Variants in TACC2 observed in about 807,000 individuals in gnomAD.
The protein encoded by TACC2 is transforming acidic coiled-coil-containing protein 2.
Under a neutral mutation model 227.3 loss-of-function variants are expected in TACC2, and 137 were observed. That is an observed-to-expected ratio of 0.60 (90% confidence interval 0.52 to 0.69). The LOEUF (loss-of-function observed/expected upper bound fraction) is 0.69. Ranked by LOEUF, TACC2 falls within the 30% of genes least tolerant of loss-of-function variation. The probability of loss-of-function intolerance (pLI) is 0.00; values close to 1 mark genes in which losing one functional copy is unlikely to be tolerated. For missense variants in TACC2, 3,470 were observed against 3,694.4 expected (o/e 0.94, Z 1.57); for synonymous variants, 1,523 against 1,487.5 (o/e 1.02, Z -0.55).
chr10:122,076,796 G>T (rs1370536869), intron 3 of TACC2, among the ~76,000 whole-genome samples: 2 of 152,004 alleles, frequency 1.3e-5, no homozygotes, highest in Non-Finnish European at 2.9e-5. Context: ...TTACTGGAAT[G>T]CTATGCTTGA....
At chr10:122,063,831 TACACACAC>T (rs139868618) in intron 3 of TACC2, among the ~76,000 whole-genome samples, 159 of 146,440 alleles carry the variant, frequency 1.1e-3, no homozygotes, top group Non-Finnish European at 1.4e-3. Flanking sequence ...TATTATATAA[TACACACAC>T]ACACACACAC....
At chr10:122,177,043 C>G (rs1208986919) in intron 7 of TACC2, among the ~76,000 whole-genome samples, 1 of 152,126 alleles carries the variant, frequency 6.6e-6, no homozygotes, top group Non-Finnish European at 1.5e-5. Context: ...CAGCCCCAGT[C>G]CTGATAGAGA....
At chr10:122,000,446 T>G (rs1305463605) in intron 1 of TACC2, among the ~76,000 whole-genome samples, 1 of 152,186 alleles carries the variant, frequency 6.6e-6, no homozygotes, top group African/African-American at 2.4e-5. Context: ...ACTGGCAGAT[T>G]GCTCGATGCC....
chr10:122,175,096 T>TA (rs1257143238), intron 7 of TACC2, among the ~76,000 whole-genome samples: 1 of 152,076 alleles, frequency 6.6e-6, no homozygotes, highest in African/African-American at 2.4e-5. Flanking sequence ...TCAGCCTCCC[T>TA]AGTAGCTGGG....
At chr10:122,164,956 C>A (rs952665068) in intron 7 of TACC2, among the ~76,000 whole-genome samples, 1 of 152,122 alleles carries the variant, frequency 6.6e-6, no homozygotes, top group Non-Finnish European at 1.5e-5. Flanking sequence ...CCGGGGGGTA[C>A]TTCCTCACTG....
chr10:122,207,319 C>T lies in TACC2; in HGVS notation c.5972-3078C>T, dbSNP rs563324290. ...TTCAAAAAAAAAAAAATGCAGTAGG[C>T]GAGCAGGGAGGACTTCGAACCCAGT... is the stretch of plus-strand genomic sequence containing the variant. On this transcript the variant is annotated intron_variant, in intron 8 of 22. Transcript: ENST00000369005. Among the ~76,000 whole-genome samples, 48 of 151,250 alleles carry T rather than the reference C, an allele frequency of 3.2e-4. 1 individual carries two copies. Among genetic ancestry groups the T allele is most frequent in the African/African-American group, 1.1e-3 (44 of 41,190 alleles).
At chr10:122,137,330 A>C (rs2139038202) in intron 6 of TACC2, among the ~76,000 whole-genome samples, 1 of 151,576 alleles carries the variant, frequency 6.6e-6, no homozygotes, top group East Asian at 1.9e-4. Context: ...TGCCTCTACA[A>C]AAATCAGCCG....
At chr10:121,998,047 C>T (rs1953771926) in intron 1 of TACC2, among the ~76,000 whole-genome samples, 1 of 152,064 alleles carries the variant, frequency 6.6e-6, no homozygotes. Flanking sequence ...CACGGTGGCT[C>T]ATGCCTGTAA....
intron 12 of TACC2, 45 bp downstream of exon 12, chr10:122,224,832 C>T (rs759107168): frequency 1.3e-6 from 2 of 1,488,298 alleles, no homozygotes; most frequent in Non-Finnish European, 1.9e-6. Flanking sequence ...CGCTTTCCTG[C>T]CTTCAGGGGC....
chr10:122,230,253 G>GAC, intron 15 of TACC2, 98 bp from the exon 16 acceptor site: 1 of 1,004,910 alleles, frequency 1.0e-6, no homozygotes, highest in Non-Finnish European at 1.6e-6. Flanking sequence ...TGCCTGTCAT[G>GAC]ACACATTTTC....
intron 8 of TACC2, among the ~76,000 whole-genome samples, chr10:122,199,118 G>A (rs1296955769): frequency 6.6e-6 from 1 of 152,246 alleles, no homozygotes. Flanking sequence ...GAGGTAATGG[G>A]GGCCTCCCTG....
At position 122,214,378 on chromosome 10, in the gene TACC2, GAGT is replaced by G. The variant is rs573900946; in HGVS notation, c.7284-1012_7284-1010del. On this transcript the variant is annotated intron_variant, in intron 9 of 22. Coordinates refer to ENST00000369005, the MANE Select transcript of TACC2 (RefSeq NM_206862.4). ...TTTTCATGATTAAATGCCATTGTTG[GAGT>G]GATTTGAGAGAACACAAGGAAGGAA... Among the ~76,000 whole-genome samples the G allele has an allele frequency of 7.5e-3, 1,146 of 152,200 alleles. 7 individuals carry two copies. Among genetic ancestry groups the G allele is most frequent in the Non-Finnish European group, 0.013 (876 of 68,028 alleles).
Position 122,210,274 on chromosome 10 carries a change from C to T in TACC2, c.5972-123C>T, listed in dbSNP as rs758988184. 6.7e-6 allele frequency: 5 copies of T among 747,040 alleles called. No individual in the cohort carries two copies. The highest frequency in any genetic ancestry group is 5.0e-5 in the South Asian group (3 of 59,454). 46.3% of individuals were successfully genotyped at this position (747,040 alleles called of 1,614,324 possible). A position where few individuals can be genotyped will look rare whatever the true frequency, so the allele number is the denominator to read the frequency against. On this transcript the variant is annotated intron_variant, in intron 8 of 22. Transcript: ENST00000369005. The surrounding 1 kb of genome is among the most constrained non-coding windows in gnomAD (Gnocchi z 4.6). ...CCCAAGTAGTACACACAGTGATGGG[C>T]GGGGTGGCCTGGGGCCGTGGTTTGT... is the stretch of plus-strand genomic sequence containing the variant.
At chr10:122,034,012 C>T (rs1299430997) in intron 2 of TACC2, among the ~76,000 whole-genome samples, 7 of 151,906 alleles carry the variant, frequency 4.6e-5, no homozygotes, top group South Asian at 2.1e-4. Context: ...ATTAGCTAGG[C>T]GTGGTGGCGC....
At chr10:122,029,765 C>T (rs1958697650) in intron 2 of TACC2, among the ~76,000 whole-genome samples, 1 of 152,142 alleles carries the variant, frequency 6.6e-6, no homozygotes, top group South Asian at 2.1e-4. Context: ...CAGTATGGGC[C>T]ACTAGGCATA....
chr10:122,120,784 G>A (rs981794445), intron 5 of TACC2, among the ~76,000 whole-genome samples: 6 of 150,994 alleles, frequency 4.0e-5, no homozygotes, highest in South Asian at 2.1e-4. Flanking sequence ...TTTTTGAGAC[G>A]GAGTCCTGCT....
chr10:121,997,037 G>A (rs534037386), intron 1 of TACC2, among the ~76,000 whole-genome samples: 10 of 152,130 alleles, frequency 6.6e-5, no homozygotes, highest in East Asian at 1.9e-4. Context: ...TTAGAAAAGC[G>A]TTAGGTGGAA....
Position 122,226,363 on chromosome 10 carries a change from C to G in TACC2, c.7609-3C>G. 1.2e-6 allele frequency: 2 copies of G among 1,610,726 alleles called. No individual in the cohort carries two copies. Among genetic ancestry groups the G allele is most frequent in the Non-Finnish European group, 1.7e-6 (2 of 1,177,222 alleles). On this transcript the variant is annotated splice_polypyrimidine_tract_variant and splice_region_variant and intron_variant, in intron 12 of 22. Transcript: ENST00000369005. ...AGCTGATATGTGATTTTGATCCCTG[C>G]AGCAGGACGACGATGCCCCGAAGAA...
chr10:122,140,526 G>C (rs1030963239), intron 6 of TACC2, among the ~76,000 whole-genome samples: 2 of 152,230 alleles, frequency 1.3e-5, no homozygotes, highest in African/African-American at 4.8e-5. Context: ...CTTTCCGCCA[G>C]AGGAAGACAG....
Sources: gnomAD v4.1 joint callset for allele counts (sites outside exome capture counted in the v4.1 genomes callset) on GRCh38, gnomAD v4.1.1 for gene constraint, Gnocchi (gnomAD v3.1) non-coding constraint, MANE v1.5 for transcripts, NCBI Gene and HGNC (gene_info 2026-07-23, HGNC 2026-07-21) for gene names.